Variants in HNF4G observed in about 807,000 individuals in gnomAD.
The protein encoded by HNF4G is hepatocyte nuclear factor 4 gamma.
In HNF4G, 21 loss-of-function variants were observed where a neutral mutation model predicts 50.9. The observed-to-expected ratio is 0.41, with a 90% CI of 0.29 to 0.59. The LOEUF is 0.59. Among genes scored for constraint, HNF4G ranks in the 20% least tolerant of loss-of-function variants. The pLI, the probability that HNF4G is intolerant of heterozygous loss-of-function variation, is 0.26. For synonymous variants in HNF4G, 198 were observed against 185.6 expected, an observed-to-expected ratio of 1.07 and a Z score of -0.54; for missense variants, 527 against 559.4, an observed-to-expected ratio of 0.94 and a Z score of 0.58.
upstream of HNF4G, chr8:75,407,967 A>G (rs1478793944): frequency 6.6e-6 from 1 of 151,876 alleles, no homozygotes; most frequent in African/African-American, 2.4e-5. Flanking sequence ...CCGCGCAGGT[A>G]AGTTTCTCCG....
At chr8:75,464,775 C>T (rs535263392) in intron 1 of HNF4G, among the ~76,000 whole-genome samples, 70 of 152,272 alleles carry the variant, frequency 4.6e-4, no homozygotes, top group African/African-American at 1.7e-3. Context: ...GGACATGAGG[C>T]TGCCCTTATT....
At chr8:75,436,414 T>G (rs1238827384) in intron 1 of HNF4G, among the ~76,000 whole-genome samples, 1 of 152,196 alleles carries the variant, frequency 6.6e-6, no homozygotes, top group Non-Finnish European at 1.5e-5. Flanking sequence ...TTATAATTAT[T>G]ACAACGTATT....
intron 9 of HNF4G, among the ~76,000 whole-genome samples, chr8:75,562,581 A>G (rs1214652131): frequency 6.6e-6 from 1 of 152,162 alleles, no homozygotes; most frequent in Non-Finnish European, 1.5e-5. Context: ...ACAACACAAT[A>G]AACATTGTAG....
At chr8:75,495,526 A>C (rs1264070931) in intron 2 of HNF4G, 1 of 148,480 alleles carries the variant, frequency 6.7e-6, no homozygotes, top group Non-Finnish European at 1.5e-5. Context: ...TAAAGACAGA[A>C]CACTTCTAAT....
At chr8:75,454,628 G>A (rs933807821) in intron 1 of HNF4G, among the ~76,000 whole-genome samples, 2 of 152,280 alleles carry the variant, frequency 1.3e-5, no homozygotes, top group Admixed American at 6.5e-5. Context: ...GCCACAGAAG[G>A]CCTCTTCTCC....
At chr8:75,494,044 A>T (rs1356398987) in intron 2 of HNF4G, among the ~76,000 whole-genome samples, 1 of 152,190 alleles carries the variant, frequency 6.6e-6, no homozygotes, top group Non-Finnish European at 1.5e-5. Flanking sequence ...TAGTAATAGT[A>T]TATATTAGGA....
chr8:75,447,504 C>T (rs1389378709), intron 1 of HNF4G, among the ~76,000 whole-genome samples: 2 of 143,544 alleles, frequency 1.4e-5, no homozygotes, highest in Non-Finnish European at 3.1e-5. Context: ...CAACCTACAA[C>T]ATGGGAGAAA....
In HNF4G at chr8:75,514,803, T is replaced by G. The variant is rs564731320; in HGVS notation, c.-24+24595T>G. ...GATTGCTTATATGTGTCATTTTATT[T>G]TATGATTTCTTTATTCTTTTTCAAA... On this transcript the variant is annotated intron_variant, in intron 2 of 10. Coordinates refer to the HNF4G transcript ENST00000354370. Among the ~76,000 whole-genome samples the G allele has an allele frequency of 1.9e-4, 29 of 152,280 alleles. No individual in the cohort carries two copies. The South Asian group carries it at 6.0e-3, about 32-fold the overall frequency.
intron 2 of HNF4G, among the ~76,000 whole-genome samples, chr8:75,504,230 G>GACACACACACAC (rs201513424): frequency 1.2e-4 from 13 of 108,316 alleles, no homozygotes; most frequent in East Asian, 4.9e-4. Flanking sequence ...AAAGCACACA[G>GACACACACACAC]ACACACACAC....
At chr8:75,516,795 C>T (rs2130737048) in intron 2 of HNF4G, among the ~76,000 whole-genome samples, 1 of 152,242 alleles carries the variant, frequency 6.6e-6, no homozygotes, top group East Asian at 1.9e-4. Flanking sequence ...ACCCCTTTAT[C>T]ATTATATAAG....
At chr8:75,527,267 C>A (rs1350785201) in intron 2 of HNF4G, 1 of 152,010 alleles carries the variant, frequency 6.6e-6, no homozygotes, top group Non-Finnish European at 1.5e-5. Flanking sequence ...GATAAGCTTT[C>A]AGATATGAGT....
chr8:75,423,125 C>T (rs1375323336), intron 1 of HNF4G, among the ~76,000 whole-genome samples: 3 of 152,062 alleles, frequency 2.0e-5, no homozygotes, highest in Non-Finnish European at 4.4e-5. Flanking sequence ...TAAACTTGTA[C>T]CAAACTATAC....
intron 2 of HNF4G, among the ~76,000 whole-genome samples, chr8:75,498,678 TACA>T (rs1248410946): frequency 6.6e-6 from 1 of 151,688 alleles, no homozygotes; most frequent in Non-Finnish European, 1.5e-5. Flanking sequence ...GCAAGCCAAA[TACA>T]ACAACAGAAA....
At chr8:75,515,983 C>T (rs762846769) in intron 2 of HNF4G, among the ~76,000 whole-genome samples, 2 of 152,114 alleles carry the variant, frequency 1.3e-5, no homozygotes, top group Non-Finnish European at 2.9e-5. Flanking sequence ...AGGCTGGTCT[C>T]GAACTCCTGA....
At chr8:75,436,807 G>A (rs1416961418) in intron 1 of HNF4G, among the ~76,000 whole-genome samples, 1 of 146,456 alleles carries the variant, frequency 6.8e-6, no homozygotes, top group Non-Finnish European at 1.5e-5. Flanking sequence ...ACTTTGGGAG[G>A]CTGACATGGG....
intron 4 of HNF4G, 135 bp downstream of exon 4, chr8:75,551,629 T>C: frequency 1.9e-6 from 1 of 529,328 alleles, no homozygotes. Flanking sequence ...AATTAAGAGT[T>C]TTACTTTGAA....
chr8:75,534,263 C>T (rs1351775333), intron 2 of HNF4G, among the ~76,000 whole-genome samples: 1 of 151,908 alleles, frequency 6.6e-6, no homozygotes, highest in African/African-American at 2.4e-5. Flanking sequence ...CTTATATCCA[C>T]ACTTCAGTTT....
chr8:75,494,351 G>C (rs868096015), intron 2 of HNF4G, among the ~76,000 whole-genome samples: 76 of 127,482 alleles, frequency 6.0e-4, no homozygotes, highest in Non-Finnish European at 1.1e-3. Flanking sequence ...CACACACACA[G>C]GTTGACAATA....
At chr8:75,480,310 G>A (rs1421178785) in intron 1 of HNF4G, among the ~76,000 whole-genome samples, 2 of 152,178 alleles carry the variant, frequency 1.3e-5, no homozygotes, top group Non-Finnish European at 2.9e-5. Flanking sequence ...CCATGGCAGA[G>A]CAGCACATAT....
Sources: allele counts gnomAD v4.1 joint callset (sites outside exome capture counted in the v4.1 genomes callset), GRCh38; gene constraint gnomAD v4.1.1; transcripts MANE v1.5; gene names NCBI Gene and HGNC (gene_info 2026-07-23, HGNC 2026-07-21).